Variants in ARHGEF26 observed in about 807,000 individuals in gnomAD.
The protein encoded by ARHGEF26 is Rho guanine nucleotide exchange factor 26, also known as Rho guanine nucleotide exchange factor (GEF) 26.
A neutral mutation model predicts 89.4 loss-of-function variants in ARHGEF26; 59 were observed. The observed-to-expected ratio is 0.66, with a 90% confidence interval of 0.54 to 0.82. The LOEUF is 0.82. ARHGEF26 is among the 40% of genes least tolerant of loss of function. ARHGEF26 has a pLI of 0.00. For synonymous variants in ARHGEF26, 500 were observed against 428.4 expected, an observed-to-expected ratio of 1.17 and a Z score of -2.06; for missense variants, 1,234 against 1,085.6, an observed-to-expected ratio of 1.14 and a Z score of -1.92.
chr3:154,192,436 T>G (rs1265324400), intron 8 of ARHGEF26, among the ~76,000 whole-genome samples: 2 of 152,238 alleles, frequency 1.3e-5, no homozygotes, highest in African/African-American at 4.8e-5. Flanking sequence ...TGCTGCAGTT[T>G]TGGAGACGTT....
At chr3:154,255,043 G>A (rs569512286) in intron 14 of ARHGEF26, among the ~76,000 whole-genome samples, 7 of 151,730 alleles carry the variant, frequency 4.6e-5, no homozygotes, top group East Asian at 1.9e-4. Flanking sequence ...CTAAATATTC[G>A]TCCTTTCAAA....
chr3:154,176,760 GT>G (rs1270724467), intron 6 of ARHGEF26, among the ~76,000 whole-genome samples: 3 of 152,052 alleles, frequency 2.0e-5, no homozygotes, highest in Non-Finnish European at 1.5e-5. Context: ...GGCCAGAGAC[GT>G]TTTTAGAAGC....
rs528699726 is a variant in ARHGEF26 at position 154,135,345 on chromosome 3, T to A, written c.1269+5626T>A. Among the ~76,000 whole-genome samples, 38 of 152,304 alleles carry A rather than the reference T, an allele frequency of 2.5e-4. 1 individual carries two copies. Among genetic ancestry groups the A allele is most frequent in the African/African-American group, 8.9e-4 (37 of 41,560 alleles). ...CACGAATTTATCCATTTCTTCTCGA[T>A]TTTCTACTTTATGTGCCTAGAGGTA... On this transcript the variant is annotated intron_variant, in intron 4 of 14. Transcript: ENST00000465093.
rs79862110 is a variant in ARHGEF26, at chr3:154,209,353, A to G, written c.1846-8516A>G. Among the ~76,000 whole-genome samples, 704 of 152,208 alleles carry G rather than the reference A, an allele frequency of 4.6e-3. 4 individuals carry two copies. Among genetic ancestry groups the G allele is most frequent in the Middle Eastern group, 0.017 (5 of 294 alleles). The stretch of plus-strand genomic sequence containing the variant: ...CTTTGTGTCTGGGCATGGAAGAGTT[A>G]GATATTTATTGTAGTCTTCACTGTT... On this transcript the variant is annotated intron_variant, in intron 9 of 14. Transcript: ENST00000465093.
intron 4 of ARHGEF26, among the ~76,000 whole-genome samples, chr3:154,134,421 A>G (rs1489897869): frequency 1.3e-5 from 2 of 152,178 alleles, no homozygotes; most frequent in Admixed American, 1.3e-4. Context: ...GCAGCAGGCA[A>G]AGAGAGAGCT....
chr3:154,249,147 A>G (rs1576829668), intron 12 of ARHGEF26, among the ~76,000 whole-genome samples: 1 of 152,218 alleles, frequency 6.6e-6, no homozygotes, highest in South Asian at 2.1e-4. Flanking sequence ...TTCTATTGAG[A>G]AATCAGAAAA....
At chr3:154,211,383 C>T (rs968588983) in intron 9 of ARHGEF26, among the ~76,000 whole-genome samples, 1 of 152,022 alleles carries the variant, frequency 6.6e-6, no homozygotes, top group Non-Finnish European at 1.5e-5. Flanking sequence ...GGATGGGTAT[C>T]AGCTGAGTTT....
chr3:154,137,992 A>C (rs1167510921), intron 4 of ARHGEF26, among the ~76,000 whole-genome samples: 3 of 152,170 alleles, frequency 2.0e-5, no homozygotes, highest in Non-Finnish European at 2.9e-5. Flanking sequence ...GAAACAATAT[A>C]GATTACCCAT....
Position 154,254,210 on chromosome 3 carries a change from C to T in ARHGEF26, c.2369-510C>T, listed in dbSNP as rs72994677. 6.0e-3 allele frequency among the ~76,000 whole-genome samples: 917 copies of T among 152,208 alleles called. 13 individuals carry two copies. Among genetic ancestry groups the T allele is most frequent in the African/African-American group, 0.021 (875 of 41,520 alleles). ...GATTACAGGCGTGAGCCACCGTGCC[C>T]GGCCACATGTCAGCATTTCTGAGGA... On this transcript the variant is annotated intron_variant, in intron 13 of 14. Coordinates refer to ENST00000465093, the MANE Select transcript of ARHGEF26 (RefSeq NM_015595.4).
chr3:154,149,886 A>G (rs1263802195), intron 5 of ARHGEF26, among the ~76,000 whole-genome samples: 4 of 151,888 alleles, frequency 2.6e-5, no homozygotes, highest in Admixed American at 6.6e-5. Context: ...CAAGTTTTCT[A>G]TAAATTTAAA....
intron 4 of ARHGEF26, among the ~76,000 whole-genome samples, chr3:154,129,924 GATAAA>G (rs1216581719): frequency 6.6e-6 from 1 of 152,116 alleles, no homozygotes; most frequent in Non-Finnish European, 1.5e-5. Context: ...AATTAGGTTT[GATAAA>G]ATAAAGTGCT....
At chr3:154,126,435 G>A (rs571002992) in intron 3 of ARHGEF26, among the ~76,000 whole-genome samples, 6 of 152,022 alleles carry the variant, frequency 3.9e-5, no homozygotes, top group South Asian at 2.1e-4. Context: ...CCCCATATCC[G>A]GTCTTTCACC....
At chr3:154,134,297 T>C (rs1218735375) in intron 4 of ARHGEF26, among the ~76,000 whole-genome samples, 1 of 152,092 alleles carries the variant, frequency 6.6e-6, no homozygotes, top group Non-Finnish European at 1.5e-5. Context: ...CTGGGTAATT[T>C]ATACAGGAAA....
chr3:154,122,652 G>A lies in ARHGEF26; in HGVS notation c.660G>A (p.Leu220=), dbSNP rs751986344. 3 of 1,613,768 alleles carry A rather than the reference G, an allele frequency of 1.9e-6. No individual in the cohort carries two copies. The South Asian group carries it at 3.3e-5, about 18-fold the overall frequency. ...SSEQKLPLQR[L]PSQENELLEN... ...AACAAAAACTCCCCCTCCAAAGGCT[G>A]CCCTCCCAGGAGAACGAGCTCCTCG... Residue 220 remains leucine (L), a synonymous_variant, in exon 2 of 15, where the codon CTG becomes CTA. Transcript: ENST00000465093.
intron 12 of ARHGEF26, among the ~76,000 whole-genome samples, chr3:154,252,886 A>T (rs1031276873): frequency 6.7e-6 from 1 of 150,284 alleles, no homozygotes; most frequent in Non-Finnish European, 1.5e-5. Flanking sequence ...GTTCCTTTTA[A>T]TCAATAATGA....
intron 11 of ARHGEF26, among the ~76,000 whole-genome samples, chr3:154,237,538 T>TCTCACACACACA (rs1553751364): frequency 1.1e-4 from 16 of 143,298 alleles, no homozygotes; most frequent in Admixed American, 6.3e-4. Flanking sequence ...TGAGACTCCG[T>TCTCACACACACA]CACACACACA....
chr3:154,129,760 A>AG, intron 4 of ARHGEF26, 41 bp downstream of exon 4: 1 of 1,567,356 alleles, frequency 6.4e-7, no homozygotes, highest in Non-Finnish European at 8.7e-7. Flanking sequence ...TAGGAAAAAA[A>AG]CAAGTTTTGG....
upstream of ARHGEF26, chr3:154,121,372 G>A (rs1459051662): frequency 6.6e-6 from 1 of 151,746 alleles, no homozygotes; most frequent in Non-Finnish European, 1.5e-5. Flanking sequence ...GTGTGGGGGC[G>A]TAGTCAGGCG....
At chr3:154,213,237 G>A (rs1346412130) in intron 9 of ARHGEF26, among the ~76,000 whole-genome samples, 1 of 129,874 alleles carries the variant, frequency 7.7e-6, no homozygotes, top group Non-Finnish European at 1.8e-5. Context: ...GTGTGTGTGT[G>A]TGTGTATATA....
Sources: gnomAD v4.1 joint callset for allele counts (sites outside exome capture counted in the v4.1 genomes callset) on GRCh38, gnomAD v4.1.1 for gene constraint, MANE v1.5 for transcripts, NCBI Gene and HGNC (gene_info 2026-07-23, HGNC 2026-07-21) for gene names.